The following NEFH variants were observed in gnomAD, a reference collection of about 807,000 sequenced individuals.
NEFH encodes the protein neurofilament heavy chain, also known as neurofilament heavy polypeptide.
NEFH carries 58 observed loss-of-function variants against 56.6 expected under a neutral mutation model. The observed-to-expected ratio is 1.03, with a 90% CI of 0.83 to 1.28. NEFH has a LOEUF of 1.28. NEFH is among the 50% of genes most tolerant of loss of function. NEFH has a pLI of 0.00. For missense variants in NEFH, 1,221 were observed against 1,307.6 expected (o/e 0.93, Z 1.02); for synonymous variants, 542 against 545.8 (o/e 0.99, Z 0.10).
intron 3 of NEFH, among the ~76,000 whole-genome samples, chr22:29,487,014 G>A (rs1177566350): frequency 6.6e-6 from 1 of 152,206 alleles, no homozygotes; most frequent in Non-Finnish European, 1.5e-5. Flanking sequence ...GGGATATAAA[G>A]TGGAGATGAT....
chr22:29,483,652 G>A, intron 2 of NEFH, 78 bp downstream of exon 2: 2 of 1,435,218 alleles, frequency 1.4e-6, no homozygotes. Flanking sequence ...CCCTCACTGA[G>A]TGGGGTTGTA....
chr22:29,480,250 A>G lies in NEFH; in HGVS notation c.-13A>G. The G allele has an allele frequency of 6.7e-7, 1 of 1,502,366 alleles. No individual in the cohort carries two copies. Among genetic ancestry groups the G allele is most frequent in the Non-Finnish European group, 8.8e-7 (1 of 1,135,032 alleles). The allele number at this position is 1,502,366 out of a possible 1,614,324, so 93.1% of individuals were successfully genotyped here. On this transcript the variant is annotated 5_prime_UTR_variant, in exon 1 of 4. Transcript: ENST00000310624. ...CTCCCGCCCCGTCCCGGCCTCGCGCACCTGCTCAGGCCATGATGAGCTTCG... is the reference window on the plus strand; with the variant it reads ...CTCCCGCCCCGTCCCGGCCTCGCGCGCCTGCTCAGGCCATGATGAGCTTCG...
chr22:29,482,466 G>T (rs1190357678), intron 1 of NEFH, among the ~76,000 whole-genome samples: 1 of 152,218 alleles, frequency 6.6e-6, no homozygotes, highest in African/African-American at 2.4e-5. Context: ...CGGGGGCCGG[G>T]GTGTGGCTAC....
At chr22:29,487,281 C>A (rs1185410768) in intron 3 of NEFH, among the ~76,000 whole-genome samples, 1 of 152,146 alleles carries the variant, frequency 6.6e-6, no homozygotes, top group Non-Finnish European at 1.5e-5. Flanking sequence ...AATCTTGCTA[C>A]TCAAAGCATG....
In NEFH at chr22:29,490,151, G is replaced by A. The variant is rs751566708; in HGVS notation, c.2511G>A (p.Glu837=). The change falls in exon 4 of 4, where the codon GAG becomes GAA. Residue 837 remains glutamate (E), a synonymous_variant. Coordinates refer to ENST00000310624, the MANE Select transcript of NEFH (RefSeq NM_021076.4). ...AGCCCCAGGAGGTGAAAGTCAAAGA[G>A]CCCCCAAAGAAGGCAGAGGAAGAGA... ...EEKPQEVKVK[E]PPKKAEEEKA... is the part of the protein sequence containing the mutation. The A allele has an allele frequency of 6.8e-6, 11 of 1,613,708 alleles. No homozygotes were observed. The highest frequency in any genetic ancestry group is 9.3e-6 in the Non-Finnish European group (11 of 1,179,898).
chr22:29,481,988 T>C (rs543774778), intron 1 of NEFH, among the ~76,000 whole-genome samples: 1 of 152,198 alleles, frequency 6.6e-6, no homozygotes, highest in African/African-American at 2.4e-5. Context: ...TCCGGGGAGT[T>C]CCATGATGTC....
Position 29,490,915 on chromosome 22 carries a change from G to C in NEFH, c.*212G>C. The C allele has an allele frequency of 2.4e-6, 2 of 819,062 alleles. No homozygotes were observed. Among genetic ancestry groups the C allele is most frequent in the South Asian group, 3.3e-5 (2 of 61,194 alleles). 50.7% of individuals were successfully genotyped at this position (819,062 alleles called of 1,614,324 possible). On this transcript the variant is annotated 3_prime_UTR_variant, in exon 4 of 4. Coordinates refer to ENST00000310624, the MANE Select transcript of NEFH (RefSeq NM_021076.4). ...GGCCCCTGCCCCCAGGCCCTCCCCA[G>C]GCGATGGACAATTATGATAGCTTAT...
Position 29,489,870 on chromosome 22 carries a change from G to A in NEFH, c.2230G>A (p.Ala744Thr). ...GGCCAAGTCCCCAGTGAAGGAAGAA[G>A]CTAAGTCCCCAGAGAAGGCCAAGTC... ...EKAKSPVKEEAKSPEKAKSPE... is the reference protein window; with the variant it reads ...EKAKSPVKEETKSPEKAKSPE... Residue 744 changes from alanine to threonine, a missense_variant, in exon 4 of 4, where the codon GCT becomes ACT. Physicochemically the swap from Ala to Thr is moderately conservative, Grantham distance 58. Around this residue, in one of 4 missense-constraint regions of NEFH, gnomAD observed 301 missense variants for 346.6 expected, o/e 0.87. Coordinates refer to ENST00000310624, the MANE Select transcript of NEFH (RefSeq NM_021076.4). 1 of 1,563,902 alleles carries A rather than the reference G, an allele frequency of 6.4e-7. No individual in the cohort carries two copies. Among genetic ancestry groups the A allele is most frequent in the South Asian group, 1.2e-5 (1 of 86,852 alleles).
Position 29,489,519 on chromosome 22 carries a change from A to C in NEFH, c.1879A>C (p.Lys627Gln), listed in dbSNP as rs1353842666. ...CAAGTCCCCAGTGAAGGAAGAAGCA[A>C]AATCTCCAGCTGAGGTCAAGTCCCC... The part of the protein sequence containing the change: ...EAKSPVKEEA[K>Q]SPAEVKSPEK... Residue 627 changes from lysine (K) to glutamine (Q), a missense_variant, in exon 4 of 4, where the codon AAA becomes CAA. Lys to Gln is a moderately conservative substitution (Grantham distance 53, BLOSUM62 1). This residue lies in a region of NEFH where 243 missense variants were observed against 299.1 expected (regional missense o/e 0.81). Transcript: ENST00000310624. The C allele has an allele frequency of 5.0e-6, 8 of 1,603,080 alleles. No individual in the cohort carries two copies. Among genetic ancestry groups the C allele is most frequent in the African/African-American group, 1.3e-5 (1 of 74,352 alleles).
In NEFH at chr22:29,480,276, G is replaced by A; in HGVS notation, c.14G>A (p.Gly5Asp). The A allele has an allele frequency of 6.6e-7, 1 of 1,510,476 alleles. No individual in the cohort carries two copies. The highest frequency in any genetic ancestry group is 8.8e-7 in the Non-Finnish European group (1 of 1,138,356). 93.6% of individuals were successfully genotyped at this position (1,510,476 alleles called of 1,614,324 possible). The change falls in exon 1 of 4, where the codon GGC (glycine) becomes GAC (aspartate). Residue 5 changes from glycine (G) to aspartate (D), a missense_variant. Physicochemically the swap from Gly to Asp is moderately conservative, Grantham distance 94. This residue lies in a region of NEFH where 640 missense variants were observed against 555.5 expected (regional missense o/e 1.15). Transcript: ENST00000310624. ...CCTGCTCAGGCCATGATGAGCTTCG[G>A]CGGCGCGGACGCGCTGCTGGGCGCC... MMSF[G>D]GADALLGAPF...
At position 29,490,082 on chromosome 22, in the gene NEFH, C is replaced by A; in HGVS notation, c.2442C>A (p.Ile814=). 2 of 1,612,660 alleles carry A rather than the reference C, an allele frequency of 1.2e-6. No homozygotes were observed. Among genetic ancestry groups the A allele is most frequent in the South Asian group, 2.2e-5 (2 of 90,958 alleles). The change falls in exon 4 of 4, where the codon ATC becomes ATA. Residue 814 remains isoleucine, a synonymous_variant. Transcript: ENST00000310624. ...ATGCCAAGGCCCCTGAGAAGGAGAT[C>A]CCAAAAAAGGAAGAGGTGAAGTCCC... ...KEDAKAPEKE[I]PKKEEVKSPV... is the part of the protein sequence containing the mutation.
intron 1 of NEFH, among the ~76,000 whole-genome samples, 166 bp downstream of exon 1, chr22:29,481,311 G>T (rs1346355023): frequency 1.3e-5 from 2 of 152,130 alleles, no homozygotes; most frequent in African/African-American, 4.8e-5. Flanking sequence ...TTTTACTCTG[G>T]GTCTCTTGTG....
In NEFH at chr22:29,490,926, A is replaced by ATTATGATAGC; in HGVS notation, c.*229_*238dup. ...CCAGGCCCTCCCCAGGCGATGGACA[A>ATTATGATAGC]TTATGATAGCTTATGTAGCTGAATG... On this transcript the variant is annotated 3_prime_UTR_variant, in exon 4 of 4. Coordinates refer to ENST00000310624, the MANE Select transcript of NEFH (RefSeq NM_021076.4). 1 of 753,742 alleles carries ATTATGATAGC rather than the reference A, an allele frequency of 1.3e-6. No individual in the cohort carries two copies. Among genetic ancestry groups the ATTATGATAGC allele is most frequent in the South Asian group, 1.7e-5 (1 of 57,974 alleles). 46.7% of individuals were successfully genotyped at this position (753,742 alleles called of 1,614,324 possible).
rs1398604834 is a variant in NEFH at position 29,480,444 on chromosome 22, C to A, written c.182C>A (p.Ser61Ter). The change falls in exon 1 of 4, where the codon TCG becomes TAG. Residue 61 changes from serine (S) to a stop codon, truncating the protein, a stop_gained. Transcript: ENST00000310624. LOFTEE classifies it high-confidence loss of function. Reference sequence around the variant, plus strand: ...ACGTCCGTGAGCTCCGTGTCCGCCTCGCCCAGCCGCTTCCGTGGCGCAGGC... The same window carrying A: ...ACGTCCGTGAGCTCCGTGTCCGCCTAGCCCAGCCGCTTCCGTGGCGCAGGC... The part of the protein sequence containing the change: ...TRTSVSSVSA[S>*]PSRFRGAGAA... 3.3e-6 allele frequency: 5 copies of A among 1,531,840 alleles called. No homozygotes were observed. The highest frequency in any genetic ancestry group is 1.7e-6 in the Non-Finnish European group (2 of 1,145,752). 94.9% of individuals were successfully genotyped at this position (1,531,840 alleles called of 1,614,324 possible).
rs1319379371 is a variant in NEFH at position 29,480,847 on chromosome 22, C to T, written c.585C>T (p.Ala195=). The change falls in exon 1 of 4, where the codon GCC becomes GCT. Residue 195 remains alanine (A), a synonymous_variant. Transcript: ENST00000310624. ...ACGAGGCCCGGCAGCGAGAGGAGGCCGAGGCGGCGGCCCGCGCGCTGGCGC... is the reference window on the plus strand; with the variant it reads ...ACGAGGCCCGGCAGCGAGAGGAGGCTGAGGCGGCGGCCCGCGCGCTGGCGC... ...LDDEARQREE[A]EAAARALARF... 2.9e-5 allele frequency: 40 copies of T among 1,394,424 alleles called. No homozygotes were observed. The highest frequency in any genetic ancestry group is 3.5e-5 in the Non-Finnish European group (38 of 1,086,924). The allele number at this position is 1,394,424 out of a possible 1,614,324, so 86.4% of individuals were successfully genotyped here. A position where few individuals can be genotyped will look rare whatever the true frequency, so the allele number is the denominator to read the frequency against.
intron 3 of NEFH, among the ~76,000 whole-genome samples, 197 bp downstream of exon 3, chr22:29,486,044 A>G (rs1305732845): frequency 6.6e-6 from 1 of 152,220 alleles, no homozygotes; most frequent in Non-Finnish European, 1.5e-5. Context: ...TTTTTGAGAC[A>G]GACTTACTGT....
chr22:29,483,295 AAAG>A, intron 1 of NEFH, 77 bp from the exon 2 acceptor site: 1 of 1,367,574 alleles, frequency 7.3e-7, no homozygotes, highest in African/African-American at 1.5e-5. Flanking sequence ...AAAAAAAGAA[AAAG>A]AACAAAGAAA....
intron 2 of NEFH, among the ~76,000 whole-genome samples, chr22:29,485,375 ATACAG>A (rs1157234064): frequency 6.6e-6 from 1 of 152,186 alleles, no homozygotes; most frequent in Non-Finnish European, 1.5e-5. Flanking sequence ...AGTGTTGGGA[ATACAG>A]GCTTGAGCCA....
rs1454410518 is a variant in NEFH, at chr22:29,490,071, GAGA to G, written c.2434_2436del (p.Lys812del). On this transcript the variant is annotated inframe_deletion, in exon 4 of 4. Transcript: ENST00000310624. ...CCTGAAGGAGGATGCCAAGGCCCCT[GAGA>G]AGGAGATCCCAAAAAAGGAAGAGGT... is the stretch of plus-strand genomic sequence containing the variant. 3 of 1,613,696 alleles carry G rather than the reference GAGA, an allele frequency of 1.9e-6. No homozygotes were observed. The highest frequency in any genetic ancestry group is 1.7e-4 in the Middle Eastern group (1 of 6,060).
Sources: gnomAD v4.1 joint callset for allele counts (sites outside exome capture counted in the v4.1 genomes callset) on GRCh38, gnomAD v4.1.1 for gene constraint, gnomAD v4.1.1 regional missense constraint, MANE v1.5 for transcripts, NCBI Gene and HGNC (gene_info 2026-07-23, HGNC 2026-07-21) for gene names.